SNRNP200: variants seen among roughly 807,000 people sequenced by gnomAD.
SNRNP200 encodes the protein U5 small nuclear ribonucleoprotein 200 kDa helicase.
In SNRNP200, 66 loss-of-function variants were observed where a neutral mutation model predicts 255.2. The observed-to-expected ratio is 0.26, with a 90% CI of 0.21 to 0.32. The LOEUF is 0.32. SNRNP200 is among the 10% of genes least tolerant of loss of function. SNRNP200 has a pLI of 1.00. For missense variants in SNRNP200, 1,585 were observed against 2,749.8 expected, an observed-to-expected ratio of 0.58 and a Z score of 9.47; for synonymous variants, 939 against 1,027.8, an observed-to-expected ratio of 0.91 and a Z score of 1.65.
At chr2:96,298,260 C>G (rs1326568639) in intron 9 of SNRNP200, 24 bp downstream of exon 9, 1 of 1,614,200 alleles carries the variant, frequency 6.2e-7, no homozygotes, top group East Asian at 2.2e-5. Context: ...AGAAATCAGA[C>G]AGATAAACCA....
intron 5 of SNRNP200, 30 bp from the exon 6 acceptor site, chr2:96,299,457 T>A (rs2063939603): frequency 6.4e-7 from 1 of 1,558,004 alleles, no homozygotes; most frequent in Non-Finnish European, 8.9e-7. Flanking sequence ...TCAACCATGA[T>A]CTGGAGCTGA....
Position 96,298,273 on chromosome 2 carries a change from C to A in SNRNP200, c.1119+11G>T. ...TCAGAAATCAGACAGATAAACCAAC[C>A]CAGTCCTTACTCGGATCAGATCCTC... On this transcript the variant is annotated intron_variant, in intron 9 of 44. Coordinates refer to ENST00000323853, the MANE Select transcript of SNRNP200 (RefSeq NM_014014.5). 2.5e-6 allele frequency: 4 copies of A among 1,614,182 alleles called. No individual in the cohort carries two copies. Among genetic ancestry groups the A allele is most frequent in the Non-Finnish European group, 3.4e-6 (4 of 1,180,030 alleles).
chr2:96,287,351 T>G lies in SNRNP200; in HGVS notation c.3484+88A>C. 4 of 1,184,876 alleles carry G rather than the reference T, an allele frequency of 3.4e-6. No individual in the cohort carries two copies. Among genetic ancestry groups the G allele is most frequent in the Non-Finnish European group, 5.1e-6 (4 of 788,638 alleles). The allele number at this position is 1,184,876 out of a possible 1,614,324, so 73.4% of individuals were successfully genotyped here. A position where few individuals can be genotyped will look rare whatever the true frequency, so the allele number is the denominator to read the frequency against. The stretch of plus-strand genomic sequence containing the variant: ...TTGGGGAGTGAACACAGGATACTAA[T>G]GCACAGGCCTAGGAACAGGAAGACT... On this transcript the variant is annotated intron_variant, in intron 26 of 44. Coordinates refer to ENST00000323853, the MANE Select transcript of SNRNP200 (RefSeq NM_014014.5). This position sits in a 1 kb window ranked among gnomAD's most constrained non-coding sequence, Gnocchi z 5.7.
chr2:96,288,600 C>A (rs1450739443), intron 24 of SNRNP200, 63 bp downstream of exon 24: 3 of 1,413,404 alleles, frequency 2.1e-6, no homozygotes, highest in African/African-American at 1.4e-5. Flanking sequence ...AGGATGCACA[C>A]AGCACACAGG....
At chr2:96,302,631 G>A (rs553907695) in intron 3 of SNRNP200, among the ~76,000 whole-genome samples, 3 of 152,212 alleles carry the variant, frequency 2.0e-5, no homozygotes, top group East Asian at 1.9e-4. Context: ...GGACTCAGTC[G>A]CACAAGCCTG....
intron 5 of SNRNP200, 66 bp downstream of exon 5, chr2:96,300,932 A>G: frequency 7.5e-7 from 1 of 1,340,130 alleles, no homozygotes; most frequent in South Asian, 1.2e-5. Flanking sequence ...TGTTTACACT[A>G]GAAGGGGTCC....
Position 96,287,081 on chromosome 2 carries a change from C to T in SNRNP200, c.3564G>A (p.Val1188=). The change falls in exon 27 of 45, where the codon GTG becomes GTA. Residue 1188 remains valine, a synonymous_variant. Transcript: ENST00000323853. The surrounding 1 kb of genome is among the most constrained non-coding windows in gnomAD (Gnocchi z 5.7). ...VHLFPKLELS[V]HLQPITRSTL... ...TGGAGCGTGTGATAGGCTGCAGGTG[C>T]ACTGACAACTCCAACTTGGGAAACA... is the stretch of plus-strand genomic sequence containing the variant. 6.2e-7 allele frequency: 1 copy of T among 1,614,088 alleles called. No homozygotes were observed. The highest frequency in any genetic ancestry group is 8.5e-7 in the Non-Finnish European group (1 of 1,179,916).
chr2:96,305,208 C>T (rs1053572723), intron 1 of SNRNP200, among the ~76,000 whole-genome samples, 185 bp downstream of exon 1: 14 of 152,146 alleles, frequency 9.2e-5, no homozygotes, highest in Admixed American at 2.0e-4. Flanking sequence ...CTAGAGAGAT[C>T]TTAGCGCTCC....
rs951347449 is a variant in SNRNP200, at chr2:96,297,806, T to C, written c.1120-86A>G. 10 of 1,428,192 alleles carry C rather than the reference T, an allele frequency of 7.0e-6. No individual in the cohort carries two copies. In the African/African-American group the frequency reaches 1.3e-4, roughly 18 times the overall value. The allele number at this position is 1,428,192 out of a possible 1,614,324, so 88.5% of individuals were successfully genotyped here. A position where few individuals can be genotyped will look rare whatever the true frequency, so the allele number is the denominator to read the frequency against. ...TTTTCTGCCCCTGCTTAGCTAATAC[T>C]TGAGTCACAGGTGCTGACTAGTAAG... On this transcript the variant is annotated intron_variant, in intron 9 of 44. Coordinates refer to ENST00000323853, the MANE Select transcript of SNRNP200 (RefSeq NM_014014.5).
intron 1 of SNRNP200, 150 bp from the exon 2 acceptor site, chr2:96,305,018 A>C (rs1388851208): frequency 3.1e-6 from 3 of 953,064 alleles, no homozygotes; most frequent in Admixed American, 2.0e-5. Context: ...AGAATTGCAT[A>C]GTATAACGCT....
intron 16 of SNRNP200, 126 bp from the exon 17 acceptor site, chr2:96,292,026 A>G: frequency 9.6e-7 from 1 of 1,039,468 alleles, no homozygotes; most frequent in African/African-American, 1.6e-5. Context: ...AAGGGCAGGA[A>G]TGTGTGCAGG....
intron 43 of SNRNP200, chr2:96,276,350 G>GC (rs1651827095): frequency 6.2e-6 from 1 of 161,330 alleles, no homozygotes; most frequent in African/African-American, 2.4e-5. Context: ...AAAGACAAAT[G>GC]CATCTTAAAG....
At chr2:96,276,826 C>T in intron 43 of SNRNP200, 78 bp downstream of exon 43, 1 of 1,283,846 alleles carries the variant, frequency 7.8e-7, no homozygotes, top group Non-Finnish European at 1.1e-6. Flanking sequence ...CCCTCAGGGA[C>T]AGTGTGCCCT....
chr2:96,297,749 A>G (rs2063927788), intron 9 of SNRNP200, 29 bp from the exon 10 acceptor site: 2 of 1,612,110 alleles, frequency 1.2e-6, no homozygotes, highest in Non-Finnish European at 1.7e-6. Context: ...AAAATCACAA[A>G]AACAATTCAT....
chr2:96,297,580 G>A (rs377317405), intron 10 of SNRNP200, 44 bp from the exon 11 acceptor site: 13 of 1,614,004 alleles, frequency 8.1e-6, no homozygotes, highest in African/African-American at 1.3e-5. Context: ...TAAGCAAGCC[G>A]AGCAAGTGAG....
Position 96,278,771 on chromosome 2 carries a change from A to G in SNRNP200, c.5323+38T>C, listed in dbSNP as rs1282048758. The G allele has an allele frequency of 6.2e-7, 1 of 1,614,068 alleles. No individual in the cohort carries two copies. Among genetic ancestry groups the G allele is most frequent in the East Asian group, 2.2e-5 (1 of 44,874 alleles). On this transcript the variant is annotated intron_variant, in intron 37 of 44. Transcript: ENST00000323853. This position sits in a 1 kb window ranked among gnomAD's most constrained non-coding sequence, Gnocchi z 6.9. ...AAGATGCCCAGCAAAGACTGTGAGA[A>G]CCACCAAAGGATCACGTGTGCTCCC...
rs924060397 is a variant in SNRNP200 at position 96,296,638 on chromosome 2, T to A, written c.1569A>T (p.Lys523Asn). ...TGATGGTGCCGTCCATGTTTATGTGTTTCCCAATCTCTCGGAGCATGCACA... is the reference window on the plus strand; with the variant it reads ...TGATGGTGCCGTCCATGTTTATGTGATTCCCAATCTCTCGGAGCATGCACA... Reference protein sequence around the residue: ...ALMCMLREIGKHINMDGTINV... With the variant: ...ALMCMLREIGNHINMDGTINV... Residue 523 changes from lysine to asparagine, a missense_variant, in exon 13 of 45, where the codon AAA (lysine) becomes AAT (asparagine). Coordinates refer to ENST00000323853, the MANE Select transcript of SNRNP200 (RefSeq NM_014014.5). 1.2e-6 allele frequency: 2 copies of A among 1,614,044 alleles called. No homozygotes were observed. Among genetic ancestry groups the A allele is most frequent in the Non-Finnish European group, 8.5e-7 (1 of 1,180,032 alleles).
rs1308513697 is a variant in SNRNP200 at position 96,287,535 on chromosome 2, G to A, written c.3388C>T (p.Arg1130Cys). ...TCCTCAGGGAGTTTCCGGAACTGGC[G>A]CAGAGGACACATGGACTGCCACCTA... Reference protein sequence around the residue: ...KRMWQSMCPLRQFRKLPEEVV... With the variant: ...KRMWQSMCPLCQFRKLPEEVV... The change falls in exon 26 of 45, where the codon CGC becomes TGC. Residue 1130 changes from arginine (R) to cysteine (C), a missense_variant. Arg to Cys is a radical substitution (Grantham distance 180, BLOSUM62 -3). Around this residue, in one of 9 missense-constraint regions of SNRNP200, gnomAD observed 719 missense variants for 1,091.1 expected, o/e 0.66. Transcript: ENST00000323853. The surrounding 1 kb of genome is among the most constrained non-coding windows in gnomAD (Gnocchi z 5.7). 3.7e-6 allele frequency: 6 copies of A among 1,614,024 alleles called. No individual in the cohort carries two copies. The highest frequency in any genetic ancestry group is 3.4e-6 in the Non-Finnish European group (4 of 1,179,878).
intron 35 of SNRNP200, chr2:96,281,476 AG>A (rs1347647476): frequency 5.7e-6 from 2 of 349,136 alleles, no homozygotes; most frequent in East Asian, 1.5e-4. Context: ...GCACTCCTCT[AG>A]CTTCTTACTT....
Sources: gnomAD v4.1 joint callset for allele counts (sites outside exome capture counted in the v4.1 genomes callset) on GRCh38, gnomAD v4.1.1 for gene constraint, gnomAD v4.1.1 regional missense constraint, Gnocchi (gnomAD v3.1) non-coding constraint, MANE v1.5 for transcripts, NCBI Gene and HGNC (gene_info 2026-07-23, HGNC 2026-07-21) for gene names.